ANKFN1: variants seen among roughly 807,000 people sequenced by gnomAD.
The protein encoded by ANKFN1 is ankyrin repeat and fibronectin type-III domain-containing protein 1.
In ANKFN1, 74 loss-of-function variants were observed where a neutral mutation model predicts 108.7. The ratio of observed to expected loss-of-function variants is 0.68; its 90% CI spans 0.56 to 0.83. ANKFN1 has a LOEUF of 0.83. Among genes scored for constraint, ANKFN1 ranks in the 40% least tolerant of loss-of-function variants. The probability of loss-of-function intolerance (pLI) is 0.00; values close to 1 mark genes in which losing one functional copy is unlikely to be tolerated. For synonymous variants in ANKFN1, 547 were observed against 516.2 expected (o/e 1.06, Z -0.81); for missense variants, 1,505 against 1,382.3 (o/e 1.09, Z -1.41).
chr17:56,136,805 G>A (rs924934260), intron 4 of ANKFN1, among the ~76,000 whole-genome samples: 1 of 152,098 alleles, frequency 6.6e-6, no homozygotes, highest in Non-Finnish European at 1.5e-5. Flanking sequence ...TATGATAAAT[G>A]AACCATTATA....
chr17:56,469,331 A>G (rs150684045), intron 15 of ANKFN1, among the ~76,000 whole-genome samples: 2 of 151,886 alleles, frequency 1.3e-5, no homozygotes, highest in Non-Finnish European at 2.9e-5. Context: ...CTGGTATCCA[A>G]TCCCTCCTAG....
chr17:56,363,964 G>A (rs963726109), intron 6 of ANKFN1, among the ~76,000 whole-genome samples: 54 of 152,058 alleles, frequency 3.6e-4, no homozygotes, highest in Non-Finnish European at 6.0e-4. Flanking sequence ...CAGTCAAAGT[G>A]TACAAAATCT....
intron 1 of ANKFN1, among the ~76,000 whole-genome samples, chr17:56,174,979 C>G (rs1435688315): frequency 6.6e-6 from 1 of 152,174 alleles, no homozygotes; most frequent in Non-Finnish European, 1.5e-5. Context: ...TTATCTCTCT[C>G]TGTGCCATAA....
chr17:56,260,265 G>A (rs1408836287), intron 3 of ANKFN1, among the ~76,000 whole-genome samples: 1 of 152,188 alleles, frequency 6.6e-6, no homozygotes, highest in Non-Finnish European at 1.5e-5. Flanking sequence ...AATGATTTAA[G>A]TGTAAATGAA....
chr17:56,303,872 A>G (rs1312660072), intron 3 of ANKFN1, among the ~76,000 whole-genome samples: 1 of 92,058 alleles, frequency 1.1e-5, no homozygotes, highest in Non-Finnish European at 2.2e-5. Flanking sequence ...TTTTTTTTGT[A>G]ATTTTAGTAG....
intron 16 of ANKFN1, among the ~76,000 whole-genome samples, chr17:56,478,662 T>C (rs1481858721): frequency 6.6e-6 from 1 of 151,156 alleles, no homozygotes; most frequent in East Asian, 1.9e-4. Context: ...ATGAACTGAA[T>C]TGTGCTCAAC....
rs2044524668 is a variant in ANKFN1, at chr17:56,296,792, G to C, written c.54-29429G>C. Reference sequence around the variant, plus strand: ...TCCACTGCTGAGTGTCATTGGTCAAGTGGTTTAGCCTCTGTGGTCCTCTTT... The same window carrying C: ...TCCACTGCTGAGTGTCATTGGTCAACTGGTTTAGCCTCTGTGGTCCTCTTT... On this transcript the variant is annotated intron_variant, in intron 3 of 20. Coordinates refer to ENST00000682825, the MANE Select transcript of ANKFN1 (RefSeq NM_001370326.1). Among the ~76,000 whole-genome samples, 3 of 152,236 alleles carry C rather than the reference G, an allele frequency of 2.0e-5. No individual in the cohort carries two copies. The South Asian group carries it at 6.2e-4, about 31-fold the overall frequency.
intron 4 of ANKFN1, among the ~76,000 whole-genome samples, chr17:56,344,801 G>A (rs575777505): frequency 1.3e-5 from 2 of 152,104 alleles, no homozygotes; most frequent in East Asian, 1.9e-4. Flanking sequence ...TCTGGAAGAG[G>A]CATTTTAAAG....
intron 4 of ANKFN1, among the ~76,000 whole-genome samples, chr17:56,098,688 C>G (rs1905581763): frequency 6.6e-6 from 1 of 152,026 alleles, no homozygotes; most frequent in African/African-American, 2.4e-5. Context: ...GAAAGCCTTC[C>G]CCTTTAACTG....
chr17:56,433,047 A>G (rs2048810916), intron 8 of ANKFN1, among the ~76,000 whole-genome samples: 1 of 152,230 alleles, frequency 6.6e-6, no homozygotes, highest in Admixed American at 6.5e-5. Context: ...ATAATCACAC[A>G]GACATATATA....
chr17:56,343,961 C>G (rs889114914), intron 4 of ANKFN1, among the ~76,000 whole-genome samples: 4 of 151,894 alleles, frequency 2.6e-5, no homozygotes, highest in African/African-American at 9.7e-5. Context: ...TTTGGCAAGA[C>G]ATCATTCTCA....
At chr17:56,449,884 G>A (rs2049425140) in intron 11 of ANKFN1, among the ~76,000 whole-genome samples, 1 of 152,152 alleles carries the variant, frequency 6.6e-6, no homozygotes, top group South Asian at 2.1e-4. Context: ...CAGGAAAGTA[G>A]AGCACATATT....
intron 4 of ANKFN1, among the ~76,000 whole-genome samples, chr17:56,067,955 C>G (rs962815604): frequency 1.3e-5 from 2 of 152,232 alleles, no homozygotes; most frequent in Admixed American, 1.3e-4. Context: ...AGAATAAAAC[C>G]CCAAAGCCTT....
chr17:56,384,258 G>GAACAGA (rs2047194009), intron 8 of ANKFN1, among the ~76,000 whole-genome samples: 2 of 151,526 alleles, frequency 1.3e-5, no homozygotes, highest in Non-Finnish European at 2.9e-5. Flanking sequence ...TGCAGAACAG[G>GAACAGA]CCTTTGATAA....
At chr17:56,220,827 GAA>G (rs1207492089) in intron 2 of ANKFN1, among the ~76,000 whole-genome samples, 82 of 53,416 alleles carry the variant, frequency 1.5e-3, no homozygotes, top group African/African-American at 0.012. Context: ...AGGAAGGAAG[GAA>G]GGGAGGAAGG....
chr17:56,480,942 C>G, intron 17 of ANKFN1, 124 bp downstream of exon 17: 1 of 1,167,088 alleles, frequency 8.6e-7, no homozygotes, highest in Admixed American at 2.1e-5. Flanking sequence ...TTTACTTAAA[C>G]ACCACTTTGC....
chr17:56,486,009 A>C (rs2050844391), intron 18 of ANKFN1, among the ~76,000 whole-genome samples: 1 of 152,200 alleles, frequency 6.6e-6, no homozygotes, highest in African/African-American at 2.4e-5. Context: ...ATAAATACAA[A>C]ACTAGAGATG....
intron 1 of ANKFN1, among the ~76,000 whole-genome samples, chr17:56,163,718 A>G (rs1761613948): frequency 6.6e-6 from 1 of 152,162 alleles, no homozygotes; most frequent in South Asian, 2.1e-4. Flanking sequence ...ATCAATGGGA[A>G]CTCATCCATT....
At chr17:56,348,198 A>T (rs1463240455) in intron 4 of ANKFN1, among the ~76,000 whole-genome samples, 1 of 152,144 alleles carries the variant, frequency 6.6e-6, no homozygotes, top group Non-Finnish European at 1.5e-5. Context: ...GATGCCAGAT[A>T]ACCTCCCTTT....
Sources: allele counts gnomAD v4.1 joint callset (sites outside exome capture counted in the v4.1 genomes callset), GRCh38; gene constraint gnomAD v4.1.1; transcripts MANE v1.5; gene names NCBI Gene and HGNC (gene_info 2026-07-23, HGNC 2026-07-21).